Variants in SHISA9 observed in about 807,000 individuals in gnomAD.
The protein encoded by SHISA9 is protein shisa-9.
Under a neutral mutation model 38.0 loss-of-function variants are expected in SHISA9, and 13 were observed. That is an observed-to-expected ratio of 0.34 (90% confidence interval 0.22 to 0.54). The LOEUF (loss-of-function observed/expected upper bound fraction) is 0.54, where lower values mean the gene tolerates loss of function less well. SHISA9 is among the 20% of genes least tolerant of loss of function. SHISA9 has a pLI of 0.91. For synonymous variants in SHISA9, 275 were observed against 242.0 expected (o/e 1.14, Z -1.27); for missense variants, 538 against 575.8 (o/e 0.93, Z 0.67).
At chr16:13,187,328 CTTTTT>C (rs372286181) in intron 2 of SHISA9, among the ~76,000 whole-genome samples, 5 of 90,684 alleles carry the variant, frequency 5.5e-5, no homozygotes, top group Admixed American at 1.3e-4. Context: ...CTTTTCTTTT[CTTTTT>C]TTTTTTTTTT....
At chr16:13,022,733 C>T (rs911245341) in intron 2 of SHISA9, among the ~76,000 whole-genome samples, 3 of 152,154 alleles carry the variant, frequency 2.0e-5, no homozygotes, top group Admixed American at 6.5e-5. Context: ...TCCCGAGTAG[C>T]AGGGCCTACA....
chr16:12,994,835 C>T (rs541701506), intron 2 of SHISA9, among the ~76,000 whole-genome samples: 17 of 152,036 alleles, frequency 1.1e-4, no homozygotes, highest in Non-Finnish European at 2.4e-4. Flanking sequence ...GGATAGAGGT[C>T]CCATTTACTA....
the SHISA9 span, among the ~76,000 whole-genome samples, chr16:13,434,307 C>T: frequency 6.6e-6 from 1 of 152,150 alleles, no homozygotes; most frequent in African/African-American, 2.4e-5. Flanking sequence ...CTCAGATGTT[C>T]ATCTCCTTTG....
the SHISA9 span, among the ~76,000 whole-genome samples, chr16:13,250,504 A>T: frequency 6.6e-6 from 1 of 152,124 alleles, no homozygotes; most frequent in Non-Finnish European, 1.5e-5. Flanking sequence ...TATCTTGGAC[A>T]TTGATTCCCT....
chr16:12,998,097 T>C (rs2072480828), intron 2 of SHISA9, among the ~76,000 whole-genome samples: 1 of 152,218 alleles, frequency 6.6e-6, no homozygotes, highest in Non-Finnish European at 1.5e-5. Flanking sequence ...CAGTACATAT[T>C]TGTTGGGATA....
At chr16:13,472,147 A>G in the SHISA9 span, among the ~76,000 whole-genome samples, 1 of 152,160 alleles carries the variant, frequency 6.6e-6, no homozygotes, top group Non-Finnish European at 1.5e-5. Flanking sequence ...TGGAAAACAT[A>G]TACTTGCTGG....
At chr16:13,227,704 G>T (rs537685637) in intron 4 of SHISA9, among the ~76,000 whole-genome samples, 1 of 152,224 alleles carries the variant, frequency 6.6e-6, no homozygotes, top group South Asian at 2.1e-4. Flanking sequence ...TCAAATCCCA[G>T]CTGTAATGTT....
chr16:13,056,383 A>G (rs753652341), intron 2 of SHISA9, among the ~76,000 whole-genome samples: 3 of 152,182 alleles, frequency 2.0e-5, no homozygotes, highest in Non-Finnish European at 4.4e-5. Flanking sequence ...GAAGGCAAGG[A>G]GATAAAGTCC....
At chr16:12,996,453 G>A (rs899452304) in intron 2 of SHISA9, among the ~76,000 whole-genome samples, 6 of 152,176 alleles carry the variant, frequency 3.9e-5, no homozygotes, top group Admixed American at 3.3e-4. Flanking sequence ...CTCTGGCTGA[G>A]TGCTTGTTAC....
the SHISA9 span, among the ~76,000 whole-genome samples, chr16:13,374,129 G>C: frequency 6.6e-6 from 1 of 151,754 alleles, no homozygotes; most frequent in Non-Finnish European, 1.5e-5. Context: ...AAAATGTCCT[G>C]GCTTATTTCT....
At chr16:13,070,832 C>T (rs764783695) in intron 2 of SHISA9, among the ~76,000 whole-genome samples, 6 of 152,280 alleles carry the variant, frequency 3.9e-5, no homozygotes, top group South Asian at 2.1e-4. Flanking sequence ...AGCCGGGATT[C>T]GAACCCAGGA....
intron 2 of SHISA9, among the ~76,000 whole-genome samples, chr16:13,074,082 G>A (rs1464470829): frequency 6.6e-6 from 1 of 150,570 alleles, no homozygotes; most frequent in Non-Finnish European, 1.5e-5. Flanking sequence ...TGATTCTCCT[G>A]CCTCAGCCTC....
chr16:13,303,512 A>G, the SHISA9 span, among the ~76,000 whole-genome samples: 1 of 152,258 alleles, frequency 6.6e-6, no homozygotes, highest in Non-Finnish European at 1.5e-5. Context: ...ATATTGTACA[A>G]TTCCATTTAT....
the SHISA9 span, among the ~76,000 whole-genome samples, chr16:13,542,599 C>T: frequency 1.3e-5 from 2 of 152,104 alleles, no homozygotes; most frequent in African/African-American, 2.4e-5. Flanking sequence ...TATGCCCCCC[C>T]CTACTCTATG....
chr16:13,366,753 C>T, the SHISA9 span, among the ~76,000 whole-genome samples: 18 of 152,068 alleles, frequency 1.2e-4, no homozygotes, highest in East Asian at 1.4e-3. Flanking sequence ...TTTGGGAGGC[C>T]GAGGTGGGCG....
In SHISA9 at chr16:12,966,359, A is replaced by T. The variant is rs2071977816; in HGVS notation, c.691+49544A>T. ...AGTTTCCTCCCTTCTCAAATCCTAAAGCGCTTTATCTCTGCATCTTGTATG... is the reference window on the plus strand; with the variant it reads ...AGTTTCCTCCCTTCTCAAATCCTAATGCGCTTTATCTCTGCATCTTGTATG... On this transcript the variant is annotated intron_variant, in intron 2 of 4. Transcript: ENST00000558583. 2.0e-5 allele frequency among the ~76,000 whole-genome samples: 3 copies of T among 152,014 alleles called. No homozygotes were observed. The South Asian group carries it at 6.2e-4, about 31-fold the overall frequency.
At chr16:13,260,870 G>C in the SHISA9 span, among the ~76,000 whole-genome samples, 74 of 152,244 alleles carry the variant, frequency 4.9e-4, no homozygotes, top group African/African-American at 1.7e-3. Flanking sequence ...AACAAAAAAA[G>C]GTTTAATTGG....
At chr16:13,345,967 A>T in the SHISA9 span, among the ~76,000 whole-genome samples, 7 of 126,218 alleles carry the variant, frequency 5.5e-5, no homozygotes, top group African/African-American at 1.4e-4. Flanking sequence ...TTGTAAAAAA[A>T]TTTTTTTAAA....
rs948034302 is a variant in SHISA9, at chr16:13,201,574, A to G, written c.692-1820A>G. Among the ~76,000 whole-genome samples, 2 of 134,072 alleles carry G rather than the reference A, an allele frequency of 1.5e-5. 1 individual carries two copies. Among genetic ancestry groups the G allele is most frequent in the South Asian group, 4.6e-4 (2 of 4,328 alleles). The allele number at this position is 134,072 out of a possible 152,430, so 88.0% of individuals were successfully genotyped here. Reference sequence around the variant, plus strand: ...GCTACAAAGGCAGAGTTGAATAGTCAAAGCAGAGACTGATGGCCTATGTAG... The same window carrying G: ...GCTACAAAGGCAGAGTTGAATAGTCGAAGCAGAGACTGATGGCCTATGTAG... On this transcript the variant is annotated intron_variant, in intron 2 of 4. Coordinates refer to ENST00000558583, the MANE Select transcript of SHISA9 (RefSeq NM_001145204.3).
Sources: allele counts gnomAD v4.1 joint callset (sites outside exome capture counted in the v4.1 genomes callset), GRCh38; gene constraint gnomAD v4.1.1; transcripts MANE v1.5; gene names NCBI Gene and HGNC (gene_info 2026-07-23, HGNC 2026-07-21).